Variants in PPP2R3A observed in about 807,000 individuals in gnomAD.
PPP2R3A encodes the protein protein phosphatase 2 regulatory subunit B''alpha.
Under a neutral mutation model 106.9 loss-of-function variants are expected in PPP2R3A, and 80 were observed. The observed-to-expected ratio is 0.75, with a 90% CI of 0.62 to 0.90. The LOEUF (loss-of-function observed/expected upper bound fraction) is 0.90. Ranked by LOEUF, PPP2R3A falls within the 40% of genes least tolerant of loss-of-function variation. The pLI is 0.00. For synonymous variants in PPP2R3A, 483 were observed against 468.3 expected, an observed-to-expected ratio of 1.03 and a Z score of -0.41; for missense variants, 1,386 against 1,350.4, an observed-to-expected ratio of 1.03 and a Z score of -0.41.
intron 13 of PPP2R3A, among the ~76,000 whole-genome samples, chr3:136,140,495 T>C (rs1559943303): frequency 7.0e-6 from 1 of 143,250 alleles, no homozygotes; most frequent in Non-Finnish European, 1.5e-5. Flanking sequence ...CCTGTAATAA[T>C]GTCAGCACTT....
chr3:136,114,099 G>A (rs1056171987), intron 13 of PPP2R3A, among the ~76,000 whole-genome samples: 3 of 152,142 alleles, frequency 2.0e-5, no homozygotes, highest in Admixed American at 2.0e-4. Flanking sequence ...TGGACAGTAG[G>A]TGCAGCCCAT....
chr3:136,017,583 A>T (rs1294488243), intron 2 of PPP2R3A, among the ~76,000 whole-genome samples: 1 of 152,204 alleles, frequency 6.6e-6, no homozygotes, highest in East Asian at 1.9e-4. Context: ...ATTTTTCCAA[A>T]CAGCTGGCTG....
intron 2 of PPP2R3A, chr3:136,023,215 G>GTGTTT (rs3830602): frequency 0.069 from 103,696 of 1,505,496 alleles, 7,530 homozygotes; most frequent in African/African-American, 0.33. Flanking sequence ...TGAAATTTGG[G>GTGTTT]TGTTTTGTTT....
At chr3:136,135,582 G>C (rs577015637) in intron 13 of PPP2R3A, among the ~76,000 whole-genome samples, 1 of 152,292 alleles carries the variant, frequency 6.6e-6, no homozygotes, top group South Asian at 2.1e-4. Context: ...GAGCCAGACA[G>C]ATCTGGTCCA....
At chr3:136,067,586 A>G (rs904128452) in intron 5 of PPP2R3A, among the ~76,000 whole-genome samples, 2 of 152,240 alleles carry the variant, frequency 1.3e-5, no homozygotes, top group African/African-American at 4.8e-5. Flanking sequence ...AGAGAACTGC[A>G]TGGAGAACAA....
chr3:136,133,890 C>CAAAAAAAA (rs34515503), intron 13 of PPP2R3A, among the ~76,000 whole-genome samples: 1 of 55,440 alleles, frequency 1.8e-5, no homozygotes. Context: ...AACTCCATCT[C>CAAAAAAAA]AAAAAAAAAA....
At chr3:136,011,937 G>A (rs1473972418) in intron 2 of PPP2R3A, among the ~76,000 whole-genome samples, 1 of 151,640 alleles carries the variant, frequency 6.6e-6, no homozygotes, top group African/African-American at 2.4e-5. Context: ...TTTGACATCT[G>A]TGAGTTCAAC....
chr3:136,082,167 T>C (rs1347787297), intron 7 of PPP2R3A, 98 bp from the exon 8 acceptor site: 9 of 1,081,830 alleles, frequency 8.3e-6, no homozygotes, highest in East Asian at 5.0e-5. Flanking sequence ...CAGAAAAAAA[T>C]TTTAAATTCA....
intron 3 of PPP2R3A, among the ~76,000 whole-genome samples, chr3:136,038,461 G>A (rs1282298508): frequency 6.6e-6 from 1 of 152,190 alleles, no homozygotes; most frequent in Non-Finnish European, 1.5e-5. Flanking sequence ...AATTTGCTTA[G>A]TTAGTGGAAG....
At chr3:135,970,312 A>G (rs1937209366) in intron 1 of PPP2R3A, among the ~76,000 whole-genome samples, 1 of 152,226 alleles carries the variant, frequency 6.6e-6, no homozygotes. Flanking sequence ...TGCAAACTTA[A>G]CTGAATGCGC....
At chr3:136,071,546 G>A (rs1464410663) in intron 6 of PPP2R3A, among the ~76,000 whole-genome samples, 4 of 151,992 alleles carry the variant, frequency 2.6e-5, no homozygotes, top group Admixed American at 6.6e-5. Flanking sequence ...CTGGCCTGTC[G>A]CCCTGATATC....
chr3:136,126,772 C>T (rs918003661), intron 13 of PPP2R3A, among the ~76,000 whole-genome samples: 1 of 152,134 alleles, frequency 6.6e-6, no homozygotes, highest in African/African-American at 2.4e-5. Flanking sequence ...GCGGCTGCCC[C>T]TCTAGAACGA....
intron 5 of PPP2R3A, among the ~76,000 whole-genome samples, chr3:136,064,426 A>G (rs1359689207): frequency 6.6e-6 from 1 of 152,050 alleles, no homozygotes; most frequent in Admixed American, 6.6e-5. Flanking sequence ...AAAAAAAAAT[A>G]AGACTCTGGA....
intron 13 of PPP2R3A, among the ~76,000 whole-genome samples, chr3:136,130,504 A>G (rs751848629): frequency 6.6e-6 from 1 of 152,202 alleles, no homozygotes; most frequent in Non-Finnish European, 1.5e-5. Context: ...TCAATGAAAT[A>G]AAAGAGAACA....
intron 1 of PPP2R3A, among the ~76,000 whole-genome samples, chr3:135,983,039 T>C (rs1165640350): frequency 1.3e-5 from 2 of 152,154 alleles, no homozygotes; most frequent in African/African-American, 4.8e-5. Context: ...TGTGATAAGT[T>C]TATAGTCTTG....
At chr3:136,103,469 G>A (rs1937432167) in intron 12 of PPP2R3A, 93 bp downstream of exon 12, 2 of 826,672 alleles carry the variant, frequency 2.4e-6, no homozygotes, top group South Asian at 2.0e-5. Context: ...CTGGAATTTC[G>A]GTAAAGAGGT....
intron 1 of PPP2R3A, among the ~76,000 whole-genome samples, chr3:135,994,281 G>A (rs958619929): frequency 7.2e-5 from 11 of 152,106 alleles, no homozygotes; most frequent in Non-Finnish European, 4.4e-5. Flanking sequence ...TTGGTGACCT[G>A]GGCCTCCTTT....
rs1935828682 is a variant in PPP2R3A at position 136,055,427 on chromosome 3, A to C, written c.2469+6066A>C. ...CCCTGTTGCTCTCCGAGGTGCCATA[A>C]TGCAAATGCTTAAGGCACAAAGTGT... On this transcript the variant is annotated intron_variant, in intron 5 of 13. Transcript: ENST00000264977. 5 of 1,057,796 alleles carry C rather than the reference A, an allele frequency of 4.7e-6. No individual in the cohort carries two copies. In the Admixed American group the frequency reaches 5.1e-5, roughly 11 times the overall value. The allele number at this position is 1,057,796 out of a possible 1,614,324, so 65.5% of individuals were successfully genotyped here.
At chr3:135,976,489 C>T (rs553721579) in intron 1 of PPP2R3A, among the ~76,000 whole-genome samples, 96 of 152,190 alleles carry the variant, frequency 6.3e-4, no homozygotes, top group Non-Finnish European at 9.7e-4. Context: ...TGTTTAAGCA[C>T]TCATATTGCA....
Sources: gnomAD v4.1 joint callset for allele counts (sites outside exome capture counted in the v4.1 genomes callset) on GRCh38, gnomAD v4.1.1 for gene constraint, MANE v1.5 for transcripts, NCBI Gene and HGNC (gene_info 2026-07-23, HGNC 2026-07-21) for gene names.